CNTNAP5: variants seen among roughly 807,000 people sequenced by gnomAD.
CNTNAP5 encodes contactin-associated protein-like 5.
A neutral mutation model predicts 150.2 loss-of-function variants in CNTNAP5; 72 were observed. That is an observed-to-expected ratio of 0.48 (90% CI 0.40 to 0.58). The LOEUF is 0.58. Among genes scored for constraint, CNTNAP5 ranks in the 20% least tolerant of loss-of-function variants. The probability of loss-of-function intolerance (pLI) is 0.00; values close to 1 mark genes in which losing one functional copy is unlikely to be tolerated. For synonymous variants in CNTNAP5, 672 were observed against 619.8 expected, an observed-to-expected ratio of 1.08 and a Z score of -1.25; for missense variants, 1,636 against 1,626.2, an observed-to-expected ratio of 1.01 and a Z score of -0.10.
chr2:124,243,167 GAATAA>G (rs1165990254), intron 3 of CNTNAP5, among the ~76,000 whole-genome samples: 5 of 152,160 alleles, frequency 3.3e-5, no homozygotes, highest in African/African-American at 1.2e-4. Flanking sequence ...CTCAGGCACT[GAATAA>G]AATAAGTTGT....
At chr2:124,295,827 CCTGACA>C (rs1008860731) in intron 3 of CNTNAP5, among the ~76,000 whole-genome samples, 7 of 152,148 alleles carry the variant, frequency 4.6e-5, no homozygotes, top group African/African-American at 1.7e-4. Flanking sequence ...AGGGTAACTT[CCTGACA>C]TTGCCATGGC....
At chr2:124,667,801 T>G (rs1678731772) in intron 13 of CNTNAP5, among the ~76,000 whole-genome samples, 1 of 152,218 alleles carries the variant, frequency 6.6e-6, no homozygotes, top group African/African-American at 2.4e-5. Context: ...ATGGCACCTT[T>G]GTTGATGAAA....
intron 3 of CNTNAP5, among the ~76,000 whole-genome samples, chr2:124,352,365 C>A (rs1253973563): frequency 6.6e-6 from 1 of 152,170 alleles, no homozygotes; most frequent in Non-Finnish European, 1.5e-5. Flanking sequence ...GTGAATATTA[C>A]AACCATTTCA....
intron 11 of CNTNAP5, among the ~76,000 whole-genome samples, chr2:124,606,061 A>G (rs1245705766): frequency 7.9e-5 from 12 of 152,110 alleles, no homozygotes; most frequent in Admixed American, 7.9e-4. Context: ...GTAAATTTGG[A>G]GTTAAATTAG....
At chr2:124,075,948 A>G (rs1682426368) in intron 1 of CNTNAP5, among the ~76,000 whole-genome samples, 1 of 152,178 alleles carries the variant, frequency 6.6e-6, no homozygotes, top group African/African-American at 2.4e-5. Context: ...AAACTGTGAT[A>G]AGTAAAACTT....
At chr2:124,788,048 G>C (rs1558775968) in intron 17 of CNTNAP5, among the ~76,000 whole-genome samples, 1 of 152,134 alleles carries the variant, frequency 6.6e-6, no homozygotes, top group African/African-American at 2.4e-5. Context: ...CCTGTGTGTG[G>C]CTTTCACTCA....
At chr2:124,110,904 G>A (rs1431227686) in intron 1 of CNTNAP5, among the ~76,000 whole-genome samples, 1 of 152,136 alleles carries the variant, frequency 6.6e-6, no homozygotes, top group Admixed American at 6.5e-5. Flanking sequence ...ACCAGAACGG[G>A]GAGCTGAGGC....
intron 3 of CNTNAP5, among the ~76,000 whole-genome samples, chr2:124,279,622 A>T (rs1687965365): frequency 6.6e-6 from 1 of 152,050 alleles, no homozygotes; most frequent in Admixed American, 6.6e-5. Context: ...TTATCAGGGG[A>T]TCCAACCATA....
chr2:124,296,582 T>A (rs2104640664), intron 3 of CNTNAP5, among the ~76,000 whole-genome samples: 1 of 152,314 alleles, frequency 6.6e-6, no homozygotes, highest in East Asian at 1.9e-4. Context: ...TACACCACAC[T>A]TTTGTCATTC....
intron 1 of CNTNAP5, among the ~76,000 whole-genome samples, chr2:124,142,399 T>G: frequency 6.6e-6 from 1 of 151,848 alleles, no homozygotes; most frequent in East Asian, 1.9e-4. Flanking sequence ...AGTAAAGCTC[T>G]CCTCAGCAAA....
At chr2:124,613,877 C>T (rs1412870583) in intron 12 of CNTNAP5, among the ~76,000 whole-genome samples, 1 of 152,184 alleles carries the variant, frequency 6.6e-6, no homozygotes, top group Non-Finnish European at 1.5e-5. Context: ...TGGACTGAAT[C>T]TGGACCTCCG....
intron 3 of CNTNAP5, among the ~76,000 whole-genome samples, chr2:124,409,417 C>T (rs1280288333): frequency 1.9e-4 from 3 of 15,806 alleles, no homozygotes; most frequent in Non-Finnish European, 2.6e-4. Context: ...CTCCAAGACA[C>T]ATAATTGTCA....
chr2:124,656,046 A>G (rs1428979261), intron 13 of CNTNAP5, among the ~76,000 whole-genome samples: 2 of 142,042 alleles, frequency 1.4e-5, no homozygotes, highest in South Asian at 2.3e-4. Context: ...TGGTGACAGA[A>G]TAAGACTTTA....
chr2:124,133,756 C>T (rs1379484178), intron 1 of CNTNAP5, among the ~76,000 whole-genome samples: 1 of 152,134 alleles, frequency 6.6e-6, no homozygotes, highest in African/African-American at 2.4e-5. Context: ...CAGATCTGTT[C>T]TAACTGCAGA....
At chr2:124,507,970 C>T (rs1694454094) in intron 8 of CNTNAP5, among the ~76,000 whole-genome samples, 1 of 152,062 alleles carries the variant, frequency 6.6e-6, no homozygotes, top group South Asian at 2.1e-4. Context: ...TATTCTATTC[C>T]TTAGAAGCAG....
At chr2:124,413,579 T>C (rs991770748) in intron 3 of CNTNAP5, among the ~76,000 whole-genome samples, 4 of 131,946 alleles carry the variant, frequency 3.0e-5, no homozygotes, top group African/African-American at 1.2e-4. Context: ...ATGTCCTTTG[T>C]AGGGACATGG....
intron 8 of CNTNAP5, among the ~76,000 whole-genome samples, chr2:124,515,711 A>G (rs540044263): frequency 2.0e-5 from 3 of 152,312 alleles, no homozygotes; most frequent in Admixed American, 6.5e-5. Flanking sequence ...AGGGTAGCGT[A>G]TAGGTGGAGC....
intron 10 of CNTNAP5, among the ~76,000 whole-genome samples, chr2:124,559,837 A>G (rs967491206): frequency 3.9e-5 from 6 of 152,182 alleles, no homozygotes; most frequent in African/African-American, 9.7e-5. Flanking sequence ...TTCTTTACAG[A>G]TGAGTTTTTC....
chr2:124,216,724 A>C (rs571275435), intron 1 of CNTNAP5, among the ~76,000 whole-genome samples: 3 of 152,044 alleles, frequency 2.0e-5, no homozygotes, highest in African/African-American at 4.8e-5. Flanking sequence ...TGAACTCATC[A>C]TTTTTTATGG....
Sources: gnomAD v4.1 joint callset for allele counts (sites outside exome capture counted in the v4.1 genomes callset) on GRCh38, gnomAD v4.1.1 for gene constraint, MANE v1.5 for transcripts, NCBI Gene and HGNC (gene_info 2026-07-23, HGNC 2026-07-21) for gene names.